ASIC2: variants seen among roughly 807,000 people sequenced by gnomAD.
ASIC2 encodes acid sensing ion channel subunit 2.
A neutral mutation model predicts 57.3 loss-of-function variants in ASIC2; 25 were observed. The ratio of observed to expected loss-of-function variants is 0.44; its 90% CI spans 0.32 to 0.61. The LOEUF is 0.61. ASIC2 is among the 20% of genes least tolerant of loss of function. The probability of loss-of-function intolerance (pLI) is 0.06; values close to 1 mark genes in which losing one functional copy is unlikely to be tolerated. For missense variants in ASIC2, 641 were observed against 738.1 expected (o/e 0.87, Z 1.52); for synonymous variants, 319 against 307.5 (o/e 1.04, Z -0.39).
intron 1 of ASIC2, among the ~76,000 whole-genome samples, chr17:33,209,647 G>A (rs986389323): frequency 1.3e-5 from 2 of 152,224 alleles, no homozygotes; most frequent in Admixed American, 1.3e-4. Context: ...GCTATAGGAA[G>A]GCAGGTGCCA....
chr17:33,949,966 C>T (rs780928421), intron 1 of ASIC2, among the ~76,000 whole-genome samples: 6 of 152,194 alleles, frequency 3.9e-5, no homozygotes, highest in Non-Finnish European at 8.8e-5. Flanking sequence ...CCTGGTGTGG[C>T]CAACCCCAGA....
At chr17:33,755,176 G>A (rs1013153055) in intron 1 of ASIC2, among the ~76,000 whole-genome samples, 4 of 152,066 alleles carry the variant, frequency 2.6e-5, no homozygotes, top group Non-Finnish European at 5.9e-5. Context: ...AGAGGACAAT[G>A]TGAAGAAGAG....
At chr17:33,305,480 G>A (rs766073506) in intron 1 of ASIC2, among the ~76,000 whole-genome samples, 9 of 152,182 alleles carry the variant, frequency 5.9e-5, no homozygotes, top group Admixed American at 4.6e-4. Flanking sequence ...GGCTTAAGAC[G>A]TAAGAATACT....
intron 1 of ASIC2, among the ~76,000 whole-genome samples, chr17:33,973,361 G>A (rs1178005462): frequency 6.6e-6 from 1 of 152,198 alleles, no homozygotes; most frequent in African/African-American, 2.4e-5. Context: ...AGGTGCAGGC[G>A]GAGGCAAGCT....
chr17:33,053,575 T>C (rs1366567338), intron 3 of ASIC2, among the ~76,000 whole-genome samples: 1 of 152,188 alleles, frequency 6.6e-6, no homozygotes, highest in East Asian at 1.9e-4. Flanking sequence ...TTGCAAGAGC[T>C]TCTTAACTGG....
In ASIC2 at chr17:33,518,613, G is replaced by A. The variant is rs991369064; in HGVS notation, c.556-406546C>T. ...GGTTGGACTGATACACTACTTATGA[G>A]GCTTTTAAAAAACAATAGCACCTTC... On this transcript the variant is annotated intron_variant, in intron 1 of 9. Transcript: ENST00000359872. 2.6e-5 allele frequency among the ~76,000 whole-genome samples: 4 copies of A among 152,124 alleles called. No homozygotes were observed. In the South Asian group the frequency reaches 6.2e-4, roughly 24 times the overall value.
At chr17:33,917,863 CACACACACACACACACACGTGCATGTGCA>C (rs1915618112) in intron 1 of ASIC2, among the ~76,000 whole-genome samples, 1 of 146,926 alleles carries the variant, frequency 6.8e-6, no homozygotes, top group East Asian at 2.4e-4. Flanking sequence ...GGTACACACA[CACACACACACACACACACGTGCATGTGCA>C]CACACACACA....
At chr17:33,192,020 C>G (rs1377496019) in intron 1 of ASIC2, among the ~76,000 whole-genome samples, 1 of 152,144 alleles carries the variant, frequency 6.6e-6, no homozygotes, top group Non-Finnish European at 1.5e-5. Context: ...TCTACTCCTT[C>G]CCCACTTCCT....
intron 1 of ASIC2, among the ~76,000 whole-genome samples, chr17:33,166,900 C>G (rs1391837813): frequency 6.6e-6 from 1 of 152,172 alleles, no homozygotes; most frequent in African/African-American, 2.4e-5. Context: ...AAAAAAGAGG[C>G]AGGATTTTAA....
At chr17:33,718,627 C>T (rs1414162315) in intron 1 of ASIC2, among the ~76,000 whole-genome samples, 1 of 152,126 alleles carries the variant, frequency 6.6e-6, no homozygotes, top group Non-Finnish European at 1.5e-5. Context: ...CGAGCAGACA[C>T]CTGTTTTTGC....
intron 1 of ASIC2, among the ~76,000 whole-genome samples, chr17:33,419,512 T>C (rs1356424872): frequency 6.6e-6 from 1 of 152,176 alleles, no homozygotes; most frequent in African/African-American, 2.4e-5. Context: ...TAGGTAAGAA[T>C]GAAGAAGCAG....
chr17:33,525,631 C>G (rs569902641), intron 1 of ASIC2, among the ~76,000 whole-genome samples: 1 of 152,346 alleles, frequency 6.6e-6, no homozygotes, highest in Admixed American at 6.5e-5. Flanking sequence ...GATCCAGCAT[C>G]AAATGCAAAT....
At chr17:33,835,688 C>T (rs1913252608) in intron 1 of ASIC2, among the ~76,000 whole-genome samples, 1 of 152,160 alleles carries the variant, frequency 6.6e-6, no homozygotes, top group African/African-American at 2.4e-5. Flanking sequence ...GCTCTCCTGA[C>T]TTCTATCACA....
chr17:33,199,508 G>A (rs142479375), intron 1 of ASIC2, among the ~76,000 whole-genome samples: 1 of 152,144 alleles, frequency 6.6e-6, no homozygotes, highest in Admixed American at 6.5e-5. Flanking sequence ...AGCTTTTACT[G>A]GCTCCTGCAT....
At chr17:34,064,046 C>CA (rs1413652765) in intron 1 of ASIC2, among the ~76,000 whole-genome samples, 1 of 151,934 alleles carries the variant, frequency 6.6e-6, no homozygotes, top group Non-Finnish European at 1.5e-5. Context: ...CATATAGAAC[C>CA]AAAAAAGAGC....
chr17:33,175,745 C>G (rs1215790885), intron 1 of ASIC2, among the ~76,000 whole-genome samples: 2 of 152,172 alleles, frequency 1.3e-5, no homozygotes, highest in South Asian at 4.1e-4. Context: ...TGCTTCTCCC[C>G]CCTCCACTCA....
chr17:33,482,443 C>G (rs1336745419), intron 1 of ASIC2, among the ~76,000 whole-genome samples: 1 of 152,250 alleles, frequency 6.6e-6, no homozygotes, highest in Non-Finnish European at 1.5e-5. Context: ...CAGGCCTAAT[C>G]TTAGACTTGG....
chr17:33,116,843 A>G lies in ASIC2; in HGVS notation c.709-4776T>C, dbSNP rs1030188329. ...GCTGACCCCAGATTGGCACAGTCAT[A>G]GTTTTATATAATTTTTTTTTTTTTG... On this transcript the variant is annotated intron_variant, in intron 1 of 9. Coordinates refer to ENST00000225823, the MANE Select transcript of ASIC2 (RefSeq NM_183377.2). Among the ~76,000 whole-genome samples, 11 of 151,832 alleles carry G rather than the reference A, an allele frequency of 7.2e-5. No homozygotes were observed. In the East Asian group the frequency reaches 1.7e-3, roughly 24 times the overall value.
chr17:34,115,585 C>T (rs1218985695), intron 1 of ASIC2, among the ~76,000 whole-genome samples: 1 of 152,190 alleles, frequency 6.6e-6, no homozygotes, highest in African/African-American at 2.4e-5. Context: ...TTTGTTAACA[C>T]TCCTTCTCTT....
Sources: gnomAD v4.1 joint callset for allele counts (sites outside exome capture counted in the v4.1 genomes callset) on GRCh38, gnomAD v4.1.1 for gene constraint, MANE v1.5 for transcripts, NCBI Gene and HGNC (gene_info 2026-07-23, HGNC 2026-07-21) for gene names.